The following RAB10 variants were observed in gnomAD, a reference collection of about 807,000 sequenced individuals.
The protein encoded by RAB10 is RAB10, member RAS oncogene family, also known as ras-related protein Rab-10.
In RAB10, 5 loss-of-function variants were observed where a neutral mutation model predicts 25.7. The observed-to-expected ratio is 0.19, with a 90% confidence interval of 0.10 to 0.41. The LOEUF (loss-of-function observed/expected upper bound fraction) is 0.41. RAB10 is among the 10% of genes least tolerant of loss of function. The pLI is 1.00. For missense variants in RAB10, 103 were observed against 245.8 expected, an observed-to-expected ratio of 0.42 and a Z score of 3.89; for synonymous variants, 89 against 86.4, an observed-to-expected ratio of 1.03 and a Z score of -0.16.
chr2:26,087,279 G>C (rs1667007537), intron 1 of RAB10, among the ~76,000 whole-genome samples: 1 of 152,056 alleles, frequency 6.6e-6, no homozygotes, highest in South Asian at 2.1e-4. Flanking sequence ...TATAAAATAG[G>C]CATATTGGTA....
chr2:26,056,259 C>T (rs550849056), intron 1 of RAB10, among the ~76,000 whole-genome samples: 12 of 151,806 alleles, frequency 7.9e-5, no homozygotes, highest in Non-Finnish European at 1.5e-4. Context: ...AGTGCAGTGG[C>T]GTGATCTCGG....
At chr2:26,083,099 A>C (rs1029397187) in intron 1 of RAB10, among the ~76,000 whole-genome samples, 1 of 152,226 alleles carries the variant, frequency 6.6e-6, no homozygotes, top group Non-Finnish European at 1.5e-5. Flanking sequence ...TTGTACAGTT[A>C]ACACACTTTA....
At chr2:26,125,645 TCA>T (rs1667889124) in intron 3 of RAB10, among the ~76,000 whole-genome samples, 3 of 151,988 alleles carry the variant, frequency 2.0e-5, no homozygotes, top group Non-Finnish European at 2.9e-5. Flanking sequence ...AGATGAGGTC[TCA>T]CAGTGTTACT....
chr2:26,071,911 G>A (rs1174817400), intron 1 of RAB10, among the ~76,000 whole-genome samples: 1 of 152,096 alleles, frequency 6.6e-6, no homozygotes, highest in African/African-American at 2.4e-5. Flanking sequence ...ACTTGTGTCT[G>A]CTGCTGTGAG....
intron 1 of RAB10, among the ~76,000 whole-genome samples, chr2:26,069,279 A>G (rs952015123): frequency 6.6e-6 from 1 of 152,200 alleles, no homozygotes; most frequent in Non-Finnish European, 1.5e-5. Context: ...TAACCCCAAC[A>G]GTTTTAGGAT....
chr2:26,038,678 T>C (rs1665818286), intron 1 of RAB10, among the ~76,000 whole-genome samples: 1 of 151,868 alleles, frequency 6.6e-6, no homozygotes, highest in Non-Finnish European at 1.5e-5. Flanking sequence ...ATCCCAGCGC[T>C]TTGGGAGGCT....
intron 2 of RAB10, among the ~76,000 whole-genome samples, chr2:26,107,487 T>TA (rs1161691336): frequency 6.6e-6 from 1 of 151,706 alleles, no homozygotes; most frequent in Non-Finnish European, 1.5e-5. Context: ...AAGTCAGCAG[T>TA]AAAAAGACAA....
chr2:26,048,057 A>G (rs976465375), intron 1 of RAB10, among the ~76,000 whole-genome samples: 10 of 130,326 alleles, frequency 7.7e-5, no homozygotes, highest in African/African-American at 3.0e-4. Context: ...TTTTTTTTTT[A>G]AATTGTTGAG....
intron 1 of RAB10, among the ~76,000 whole-genome samples, chr2:26,082,283 C>T (rs530963753): frequency 9.2e-5 from 14 of 152,040 alleles, no homozygotes; most frequent in African/African-American, 2.2e-4. Context: ...GTTCTAGTTA[C>T]GATGTTTATT....
At chr2:26,064,568 C>A (rs1459541268) in intron 1 of RAB10, among the ~76,000 whole-genome samples, 2 of 152,042 alleles carry the variant, frequency 1.3e-5, no homozygotes, top group Admixed American at 1.3e-4. Flanking sequence ...TGGTCTCAAA[C>A]TCCTGAGCTC....
chr2:26,103,662 C>G lies in RAB10; in HGVS notation c.188+4940C>G, dbSNP rs1667389630. Among the ~76,000 whole-genome samples the G allele has an allele frequency of 2.0e-5, 3 of 152,120 alleles. No homozygotes were observed. The South Asian group carries it at 6.2e-4, about 32-fold the overall frequency. Reference sequence around the variant, plus strand: ...AATTTAATAGTTTTTAGTATATTCACAAATTTGTACAACCATCGTTACCAT... The same window carrying G: ...AATTTAATAGTTTTTAGTATATTCAGAAATTTGTACAACCATCGTTACCAT... On this transcript the variant is annotated intron_variant, in intron 2 of 5. Coordinates refer to ENST00000264710, the MANE Select transcript of RAB10 (RefSeq NM_016131.5).
intron 5 of RAB10, among the ~76,000 whole-genome samples, chr2:26,132,654 C>T (rs999254274): frequency 6.6e-6 from 1 of 151,880 alleles, no homozygotes; most frequent in Non-Finnish European, 1.5e-5. Context: ...TTGGCCTTTT[C>T]TTATTCTTAG....
At position 26,109,843 on chromosome 2, in the gene RAB10, A is replaced by T; in HGVS notation, c.264A>T (p.Val88=). Residue 88 remains valine (V), a synonymous_variant, in exon 3 of 6, where the codon GTA becomes GTT. Transcript: ENST00000264710. ...GAGGCGCAATGGGTATCATGCTAGTATATGACATCACCAATGGTAAAAGTT... is the reference window on the plus strand; with the variant it reads ...GAGGCGCAATGGGTATCATGCTAGTTTATGACATCACCAATGGTAAAAGTT... The part of the protein sequence containing the change: ...YYRGAMGIML[V]YDITNGKSFE... 1 of 1,610,860 alleles carries T rather than the reference A, an allele frequency of 6.2e-7. No individual in the cohort carries two copies. Among genetic ancestry groups the T allele is most frequent in the Non-Finnish European group, 8.5e-7 (1 of 1,178,636 alleles).
chr2:26,036,723 G>A (rs1665772010), intron 1 of RAB10, among the ~76,000 whole-genome samples: 1 of 152,008 alleles, frequency 6.6e-6, no homozygotes, highest in Admixed American at 6.6e-5. Context: ...GGTAGGATAG[G>A]GCCTTTCTGG....
intron 2 of RAB10, among the ~76,000 whole-genome samples, chr2:26,105,787 T>C (rs749276028): frequency 5.9e-5 from 9 of 152,210 alleles, no homozygotes; most frequent in Non-Finnish European, 1.2e-4. Context: ...AATACCACAT[T>C]TTTACTGTAC....
intron 1 of RAB10, among the ~76,000 whole-genome samples, chr2:26,074,732 A>T (rs1054374495): frequency 6.6e-6 from 1 of 152,078 alleles, no homozygotes; most frequent in Non-Finnish European, 1.5e-5. Flanking sequence ...AAATGTTGAA[A>T]AAAGTGAGAA....
rs888903137 is a variant in RAB10 at position 26,121,252 on chromosome 2, C to T, written c.328-5892C>T. 6.6e-5 allele frequency among the ~76,000 whole-genome samples: 10 copies of T among 152,242 alleles called. No individual in the cohort carries two copies. In the East Asian group the frequency reaches 1.3e-3, roughly 21 times the overall value. ...AAGCTTGTGATTCTACTAAGGGTATCGTCCTTGCAACAAAAGAGTTGTTTC... is the reference window on the plus strand; with the variant it reads ...AAGCTTGTGATTCTACTAAGGGTATTGTCCTTGCAACAAAAGAGTTGTTTC... On this transcript the variant is annotated intron_variant, in intron 3 of 5. Transcript: ENST00000264710.
At chr2:26,075,039 A>T (rs965869819) in intron 1 of RAB10, among the ~76,000 whole-genome samples, 1 of 152,220 alleles carries the variant, frequency 6.6e-6, no homozygotes, top group Non-Finnish European at 1.5e-5. Flanking sequence ...TTGGGAGTAG[A>T]AAATAAGATT....
In RAB10 at chr2:26,046,636, C is replaced by G. The variant is rs147430838; in HGVS notation, c.127+11901C>G. Among the ~76,000 whole-genome samples, 23 of 152,168 alleles carry G rather than the reference C, an allele frequency of 1.5e-4. No individual in the cohort carries two copies. In the East Asian group the frequency reaches 4.4e-3, roughly 29 times the overall value. The stretch of plus-strand genomic sequence containing the variant: ...CTCGCCATGTTACCCAGGCTGGTTT[C>G]GAACTCCTAGGCTCAATCAGTACTC... On this transcript the variant is annotated intron_variant, in intron 1 of 5. Transcript: ENST00000264710.
Sources: gnomAD v4.1 joint callset for allele counts (sites outside exome capture counted in the v4.1 genomes callset) on GRCh38, gnomAD v4.1.1 for gene constraint, MANE v1.5 for transcripts, NCBI Gene and HGNC (gene_info 2026-07-23, HGNC 2026-07-21) for gene names.